ANKFN1: variants seen among roughly 807,000 people sequenced by gnomAD.
ANKFN1 encodes ankyrin repeat and fibronectin type-III domain-containing protein 1.
Under a neutral mutation model 108.7 loss-of-function variants are expected in ANKFN1, and 74 were observed. That is an observed-to-expected ratio of 0.68 (90% CI 0.56 to 0.83). The LOEUF (loss-of-function observed/expected upper bound fraction) is 0.83, where lower values mean the gene tolerates loss of function less well. ANKFN1 is among the 40% of genes least tolerant of loss of function. ANKFN1 has a pLI of 0.00. For synonymous variants in ANKFN1, 547 were observed against 516.2 expected (o/e 1.06, Z -0.81); for missense variants, 1,505 against 1,382.3 (o/e 1.09, Z -1.41).
At chr17:56,394,249 T>A (rs898493560) in intron 8 of ANKFN1, among the ~76,000 whole-genome samples, 1 of 152,118 alleles carries the variant, frequency 6.6e-6, no homozygotes, top group African/African-American at 2.4e-5. Context: ...TTGTCTTCAG[T>A]TTCATCTTAC....
chr17:56,466,400 C>T lies in ANKFN1; in HGVS notation c.1602C>T (p.Pro534=), dbSNP rs2050073235. 3 of 1,613,960 alleles carry T rather than the reference C, an allele frequency of 1.9e-6. No individual in the cohort carries two copies. The highest frequency in any genetic ancestry group is 2.7e-5 in the African/African-American group (2 of 74,894). Residue 534 remains proline (P), a synonymous_variant, in exon 15 of 21, where the codon CCC becomes CCT. Coordinates refer to ENST00000682825, the MANE Select transcript of ANKFN1 (RefSeq NM_001370326.1). ...ACTTGGGAAGAGTTTACTATGAGCCCATTAAAGATCGACATGGAAACATAC... is the reference window on the plus strand; with the variant it reads ...ACTTGGGAAGAGTTTACTATGAGCCTATTAAAGATCGACATGGAAACATAC... ...THNLGRVYYE[P]IKDRHGNILI...
chr17:56,502,527 G>A (rs1186361651), intron 20 of ANKFN1, among the ~76,000 whole-genome samples: 1 of 152,162 alleles, frequency 6.6e-6, no homozygotes, highest in Non-Finnish European at 1.5e-5. Flanking sequence ...CCTAATGATG[G>A]GGAAGTGCTG....
chr17:56,322,244 G>A (rs1311105268), intron 3 of ANKFN1, among the ~76,000 whole-genome samples: 1 of 152,132 alleles, frequency 6.6e-6, no homozygotes, highest in Non-Finnish European at 1.5e-5. Context: ...AAAACTTTAA[G>A]TCACCTTCAA....
At chr17:56,282,717 C>T (rs971068019) in intron 3 of ANKFN1, among the ~76,000 whole-genome samples, 3 of 152,084 alleles carry the variant, frequency 2.0e-5, no homozygotes, top group African/African-American at 7.2e-5. Context: ...CCCACTCTAA[C>T]TAGGACTTTT....
At chr17:56,079,830 T>A (rs1019644970) in intron 4 of ANKFN1, among the ~76,000 whole-genome samples, 1 of 151,994 alleles carries the variant, frequency 6.6e-6, no homozygotes, top group Non-Finnish European at 1.5e-5. Context: ...GTAAAAAACA[T>A]TGGCACATTT....
intron 5 of ANKFN1, 151 bp downstream of exon 5, chr17:56,351,118 A>T: frequency 2.8e-6 from 2 of 721,466 alleles, no homozygotes; most frequent in Admixed American, 5.8e-5. Flanking sequence ...TAGTAACTGT[A>T]CATATTTATG....
intron 1 of ANKFN1, among the ~76,000 whole-genome samples, chr17:56,195,163 T>C (rs1255810568): frequency 6.6e-6 from 1 of 152,220 alleles, no homozygotes; most frequent in Admixed American, 6.5e-5. Context: ...AACTCCTCCA[T>C]CTAGATTGGC....
chr17:56,282,711 C>T (rs979606747), intron 3 of ANKFN1, among the ~76,000 whole-genome samples: 2 of 152,102 alleles, frequency 1.3e-5, no homozygotes, highest in Non-Finnish European at 2.9e-5. Context: ...CTTTAACCCA[C>T]TCTAACTAGG....
chr17:56,466,282 G>A (rs1056317249), intron 14 of ANKFN1, 74 bp from the exon 15 acceptor site: 1 of 1,298,116 alleles, frequency 7.7e-7, no homozygotes, highest in African/African-American at 1.5e-5. Context: ...ATTATTCACG[G>A]TGTCTTTTGT....
At chr17:56,476,172 A>G (rs1169421378) in intron 15 of ANKFN1, among the ~76,000 whole-genome samples, 1 of 152,184 alleles carries the variant, frequency 6.6e-6, no homozygotes, top group Admixed American at 6.5e-5. Context: ...CCAATTGAAC[A>G]TGAGATTTGG....
chr17:56,088,992 T>C (rs1477608907), intron 4 of ANKFN1, among the ~76,000 whole-genome samples: 1 of 151,226 alleles, frequency 6.6e-6, no homozygotes, highest in African/African-American at 2.4e-5. Flanking sequence ...CCTTAGAATG[T>C]AGGATGCTTA....
At chr17:56,267,045 G>A (rs1329640473) in intron 3 of ANKFN1, among the ~76,000 whole-genome samples, 2 of 152,036 alleles carry the variant, frequency 1.3e-5, no homozygotes, top group East Asian at 3.9e-4. Flanking sequence ...CCACTCAATA[G>A]GTAGTTTTTC....
chr17:56,109,759 A>G (rs1344997727), intron 4 of ANKFN1, among the ~76,000 whole-genome samples: 1 of 152,214 alleles, frequency 6.6e-6, no homozygotes, highest in Non-Finnish European at 1.5e-5. Context: ...GAGCTGAAAT[A>G]CCTGTCAACA....
At chr17:56,170,098 A>T (rs1910513871) in intron 1 of ANKFN1, among the ~76,000 whole-genome samples, 1 of 152,172 alleles carries the variant, frequency 6.6e-6, no homozygotes, top group African/African-American at 2.4e-5. Context: ...TGAGGGATTC[A>T]TTCACCTTCT....
intron 1 of ANKFN1, among the ~76,000 whole-genome samples, chr17:56,182,590 A>G (rs1911791962): frequency 6.6e-6 from 1 of 152,220 alleles, no homozygotes; most frequent in Non-Finnish European, 1.5e-5. Flanking sequence ...AGGTTTAAGT[A>G]AAGAAGCCAT....
intron 8 of ANKFN1, among the ~76,000 whole-genome samples, chr17:56,409,142 C>T (rs562716710): frequency 6.6e-6 from 1 of 152,164 alleles, no homozygotes; most frequent in East Asian, 1.9e-4. Flanking sequence ...CCAGGCTGGT[C>T]TCGAACTCCT....
intron 3 of ANKFN1, among the ~76,000 whole-genome samples, chr17:56,272,607 T>C (rs959194051): frequency 1.3e-5 from 2 of 152,230 alleles, no homozygotes; most frequent in South Asian, 2.1e-4. Context: ...TTCTACCTTT[T>C]GATTATTGTG....
Position 56,513,779 on chromosome 17 carries a change from T to C in ANKFN1, c.*2510T>C, listed in dbSNP as rs969046825. On this transcript the variant is annotated 3_prime_UTR_variant, in exon 21 of 21. Coordinates refer to ENST00000682825, the MANE Select transcript of ANKFN1 (RefSeq NM_001370326.1). Reference sequence around the variant, plus strand: ...GAAGGCATGCCCACAAAAAGAATAATGCATGTTACATTTTAATGGGCATAG... The same window carrying C: ...GAAGGCATGCCCACAAAAAGAATAACGCATGTTACATTTTAATGGGCATAG... Among the ~76,000 whole-genome samples, 1 of 152,244 alleles carries C rather than the reference T, an allele frequency of 6.6e-6. No individual in the cohort carries two copies. Among genetic ancestry groups the C allele is most frequent in the Non-Finnish European group, 1.5e-5 (1 of 68,032 alleles).
intron 4 of ANKFN1, among the ~76,000 whole-genome samples, chr17:56,134,923 T>C (rs1180600685): frequency 3.9e-5 from 6 of 152,208 alleles, no homozygotes; most frequent in Non-Finnish European, 5.9e-5. Context: ...TGATGGACTC[T>C]TTGGGTAAAG....
Sources: gnomAD v4.1 joint callset for allele counts (sites outside exome capture counted in the v4.1 genomes callset) on GRCh38, gnomAD v4.1.1 for gene constraint, MANE v1.5 for transcripts, NCBI Gene and HGNC (gene_info 2026-07-23, HGNC 2026-07-21) for gene names.